PLCH2: variants seen among roughly 807,000 people sequenced by gnomAD.
The protein encoded by PLCH2 is 1-phosphatidylinositol 4,5-bisphosphate phosphodiesterase eta-2.
A neutral mutation model predicts 134.7 loss-of-function variants in PLCH2; 98 were observed. The observed-to-expected ratio is 0.73, with a 90% CI of 0.62 to 0.86. The LOEUF is 0.86. Among genes scored for constraint, PLCH2 ranks in the 40% least tolerant of loss-of-function variants. The probability of loss-of-function intolerance (pLI) is 0.00; values close to 1 mark genes in which losing one functional copy is unlikely to be tolerated. For synonymous variants in PLCH2, 974 were observed against 827.5 expected, an observed-to-expected ratio of 1.18 and a Z score of -3.04; for missense variants, 1,994 against 1,986.6, an observed-to-expected ratio of 1.00 and a Z score of -0.07.
At chr1:2,492,050 G>A (rs941875852) in intron 11 of PLCH2, among the ~76,000 whole-genome samples, 2 of 152,230 alleles carry the variant, frequency 1.3e-5, no homozygotes, top group Admixed American at 6.5e-5. Context: ...CTGGGGACAC[G>A]GTCTCCTGGT....
Position 2,439,315 on chromosome 1 carries a change from A to C in PLCH2, c.115+8686A>C, listed in dbSNP as rs900531549. On this transcript the variant is annotated intron_variant, in intron 2 of 3. Transcript: ENST00000609981. This position sits in a 1 kb window ranked among gnomAD's most constrained non-coding sequence, Gnocchi z 4.7. ...CAGCAAGGTGCCTGGGGGGTCTCAG[A>C]GCAGGAGGCTCAGCCCTGCCCACCC... 6.6e-6 allele frequency among the ~76,000 whole-genome samples: 1 copy of C among 152,096 alleles called. No homozygotes were observed. The highest frequency in any genetic ancestry group is 6.5e-5 in the Admixed American group (1 of 15,276).
chr1:2,504,484 A>C lies in PLCH2; in HGVS notation c.3522A>C (p.Gly1174=), dbSNP rs1429149300. 1.9e-6 allele frequency: 3 copies of C among 1,611,998 alleles called. No individual in the cohort carries two copies. Among genetic ancestry groups the C allele is most frequent in the Non-Finnish European group, 1.7e-6 (2 of 1,179,644 alleles). The change falls in exon 22 of 22, where the codon GGA becomes GGC. Residue 1174 remains glycine (G), a synonymous_variant. Transcript: ENST00000378486. Reference sequence around the variant, plus strand: ...GCCGCAGCCGTGAGAACCTCGCTGGAGCCCACATGGGACGCCTGCCCCCCA... The same window carrying C: ...GCCGCAGCCGTGAGAACCTCGCTGGCGCCCACATGGGACGCCTGCCCCCCA... ...GLGRSRENLA[G]AHMGRLPPRP... is the part of the protein sequence containing the mutation.
upstream of PLCH2, among the ~76,000 whole-genome samples, chr1:2,473,259 G>T (rs1363193438): frequency 1.3e-5 from 2 of 152,230 alleles, no homozygotes; most frequent in Non-Finnish European, 2.9e-5. Flanking sequence ...AGGTCGGGGG[G>T]CAGGCCCAGG....
chr1:2,504,998 G>C lies in PLCH2; in HGVS notation c.4036G>C (p.Val1346Leu), dbSNP rs767078195. ...CTCCTCCTCCCGCAGCCACAGCCGC[G>C]TGCGTGCCATTGCCAGCCGGGCCCG... ...RRSSSRSHSR[V>L]RAIASRARQA... The change falls in exon 22 of 22, where the codon GTG (valine) becomes CTG (leucine). Residue 1346 changes from valine (V) to leucine (L), a missense_variant. Coordinates refer to ENST00000378486, the MANE Select transcript of PLCH2 (RefSeq NM_014638.4). 1.9e-6 allele frequency: 3 copies of C among 1,547,266 alleles called. No homozygotes were observed. The highest frequency in any genetic ancestry group is 2.6e-6 in the Non-Finnish European group (3 of 1,151,650).
At chr1:2,457,504 G>T (rs1360622673) in intron 2 of PLCH2, among the ~76,000 whole-genome samples, 1 of 152,160 alleles carries the variant, frequency 6.6e-6, no homozygotes, top group East Asian at 1.9e-4. Flanking sequence ...TTCCTCCCGG[G>T]ACGCTCCTTG....
In PLCH2 at chr1:2,434,702, G is replaced by A. The variant is rs1022858343; in HGVS notation, c.115+4073G>A. On this transcript the variant is annotated intron_variant, in intron 2 of 3. Transcript: ENST00000609981. ...CCAGCAGAGGAGCCCCAGGCTGCCCGGGCTGCCAGCCGCACTAAAAGTGGG... is the reference window on the plus strand; with the variant it reads ...CCAGCAGAGGAGCCCCAGGCTGCCCAGGCTGCCAGCCGCACTAAAAGTGGG... Among the ~76,000 whole-genome samples the A allele has an allele frequency of 3.3e-5, 5 of 152,148 alleles. No homozygotes were observed. The South Asian group carries it at 6.2e-4, about 19-fold the overall frequency.
In PLCH2 at chr1:2,504,090, G is replaced by T; in HGVS notation, c.3128G>T (p.Ser1043Ile). The change falls in exon 22 of 22, where the codon AGC becomes ATC. Residue 1043 changes from serine to isoleucine, a missense_variant. This residue lies in a region of PLCH2 where 900 missense variants were observed against 752.3 expected (regional missense o/e 1.20). Transcript: ENST00000378486. The stretch of plus-strand genomic sequence containing the variant: ...ACAGGACCCGGAGCCAATGTGGCAA[G>T]CCCCCTAGAGGACACTGAGGAGCCC... ...YPTGPGANVA[S>I]PLEDTEEPRD... 11 of 1,544,234 alleles carry T rather than the reference G, an allele frequency of 7.1e-6. No individual in the cohort carries two copies. Among genetic ancestry groups the T allele is most frequent in the Non-Finnish European group, 9.6e-6 (11 of 1,145,264 alleles).
intron 1 of PLCH2, among the ~76,000 whole-genome samples, chr1:2,477,748 G>C (rs1452126991): frequency 2.0e-5 from 3 of 152,320 alleles, no homozygotes; most frequent in Admixed American, 2.0e-4. Context: ...GTGAAGCTCG[G>C]ATCCGGCACC....
upstream of PLCH2, among the ~76,000 whole-genome samples, chr1:2,473,899 C>T (rs546018457): frequency 6.6e-6 from 1 of 152,376 alleles, no homozygotes; most frequent in African/African-American, 2.4e-5. Context: ...TGCATTGCTA[C>T]AATCCCACCT....
At chr1:2,437,612 A>G (rs1333401998) in intron 2 of PLCH2, among the ~76,000 whole-genome samples, 1 of 152,098 alleles carries the variant, frequency 6.6e-6, no homozygotes, top group Non-Finnish European at 1.5e-5. Flanking sequence ...CTCAAGTCAT[A>G]CCTGGCTAAG....
intron 2 of PLCH2, among the ~76,000 whole-genome samples, chr1:2,446,799 C>T (rs78792823): frequency 0.052 from 7,977 of 152,226 alleles, 226 homozygotes; most frequent in South Asian, 0.067. Flanking sequence ...GGGTCAGAGC[C>T]GGCAGGAATG....
chr1:2,455,663 A>G (rs1184897600), intron 2 of PLCH2, among the ~76,000 whole-genome samples: 1 of 152,128 alleles, frequency 6.6e-6, no homozygotes, highest in Non-Finnish European at 1.5e-5. Flanking sequence ...AGGAGCAGTC[A>G]GAAGCTTCAG....
chr1:2,448,508 G>A lies in PLCH2; in HGVS notation c.115+17879G>A, dbSNP rs562198908. 1.3e-5 allele frequency among the ~76,000 whole-genome samples: 2 copies of A among 152,262 alleles called. No homozygotes were observed. Among genetic ancestry groups the A allele is most frequent in the South Asian group, 2.1e-4 (1 of 4,822 alleles). On this transcript the variant is annotated intron_variant, in intron 2 of 3. Transcript: ENST00000609981. The surrounding 1 kb of genome is among the most constrained non-coding windows in gnomAD (Gnocchi z 4.0). Reference sequence around the variant, plus strand: ...CTGGGTCATTCGGGACGATCTCCTCGGCGCAGGCCTTTCACTGAGCACGCC... The same window carrying A: ...CTGGGTCATTCGGGACGATCTCCTCAGCGCAGGCCTTTCACTGAGCACGCC...
At chr1:2,434,166 T>C (rs1045378541) in intron 2 of PLCH2, among the ~76,000 whole-genome samples, 2 of 152,252 alleles carry the variant, frequency 1.3e-5, no homozygotes, top group Non-Finnish European at 2.9e-5. Context: ...CTTCAGCTTC[T>C]TACTGAGCAA....
chr1:2,416,228 C>T, the PLCH2 span, among the ~76,000 whole-genome samples: 965 of 152,272 alleles, frequency 6.3e-3, 11 homozygotes, highest in African/African-American at 0.022. Flanking sequence ...CGCAGCAGGT[C>T]GGGGTCCCTG....
At chr1:2,491,371 A>G in intron 11 of PLCH2, 36 bp downstream of exon 11, 1 of 1,597,074 alleles carries the variant, frequency 6.3e-7, no homozygotes, top group Non-Finnish European at 8.5e-7. Flanking sequence ...TGATGCCGAC[A>G]GGCCCCCCCG....
chr1:2,476,876 C>T (rs907587643), intron 1 of PLCH2, among the ~76,000 whole-genome samples, 164 bp downstream of exon 1: 5 of 152,276 alleles, frequency 3.3e-5, no homozygotes, highest in Admixed American at 2.0e-4. Context: ...GGTCCAGCAG[C>T]GTCGGCTGGC....
chr1:2,453,185 A>G (rs12725489), intron 2 of PLCH2, among the ~76,000 whole-genome samples: 19,442 of 151,934 alleles, frequency 0.13, 1,377 homozygotes, highest in East Asian at 0.26. Flanking sequence ...AGCCGGGACA[A>G]TTTGCCAAAA....
chr1:2,440,156 C>T (rs1015912023), intron 2 of PLCH2, among the ~76,000 whole-genome samples: 2 of 152,144 alleles, frequency 1.3e-5, no homozygotes, highest in Admixed American at 1.3e-4. Context: ...AGCCTGTGGT[C>T]CAGCTGCAGG....
Sources: allele counts gnomAD v4.1 joint callset (sites outside exome capture counted in the v4.1 genomes callset), GRCh38; gene constraint gnomAD v4.1.1; regional missense constraint gnomAD v4.1.1; non-coding constraint Gnocchi (gnomAD v3.1); transcripts MANE v1.5; gene names NCBI Gene and HGNC (gene_info 2026-07-23, HGNC 2026-07-21).